ARID4B: variants seen among roughly 807,000 people sequenced by gnomAD.
ARID4B encodes the protein AT-rich interaction domain 4B, also known as AT-rich interactive domain-containing protein 4B.
Under a neutral mutation model 147.5 loss-of-function variants are expected in ARID4B, and 26 were observed. The ratio of observed to expected loss-of-function variants is 0.18; its 90% CI spans 0.13 to 0.24. The LOEUF is 0.24. Among genes scored for constraint, ARID4B ranks in the 10% least tolerant of loss-of-function variants. ARID4B has a pLI of 1.00. For synonymous variants in ARID4B, 512 were observed against 507.9 expected, an observed-to-expected ratio of 1.01 and a Z score of -0.11; for missense variants, 1,179 against 1,511.5, an observed-to-expected ratio of 0.78 and a Z score of 3.65.
intron 15 of ARID4B, 61 bp from the exon 16 acceptor site, chr1:235,220,029 G>T: frequency 8.6e-7 from 1 of 1,160,954 alleles, no homozygotes; most frequent in Non-Finnish European, 1.2e-6. Flanking sequence ...TATATCCATG[G>T]TTTATCTCTT....
chr1:235,219,081 C>T (rs531422480), intron 16 of ARID4B, among the ~76,000 whole-genome samples: 1 of 152,090 alleles, frequency 6.6e-6, no homozygotes, highest in African/African-American at 2.4e-5. Context: ...CCAGGCTGGT[C>T]TTGAAATCCC....
chr1:235,326,338 C>T (rs1675260353), intron 2 of ARID4B, among the ~76,000 whole-genome samples: 1 of 152,288 alleles, frequency 6.6e-6, no homozygotes, highest in South Asian at 2.1e-4. Flanking sequence ...AACAGAGCCT[C>T]TGACTTATTT....
chr1:235,271,087 C>A (rs548377716), intron 2 of ARID4B, among the ~76,000 whole-genome samples: 1 of 152,200 alleles, frequency 6.6e-6, no homozygotes, highest in South Asian at 2.1e-4. Flanking sequence ...CCCTACTGGG[C>A]CAGTCCTGTA....
rs1260278863 is a variant in ARID4B at position 235,200,229 on chromosome 1, G to A, written c.1842-4114C>T. ...CAGCACTTTGGGAGGCCGAGGCAGA[G>A]GTGGGCAGATCATGAGGTCAGGAGT... On this transcript the variant is annotated intron_variant, in intron 17 of 23. Coordinates refer to ENST00000264183, the MANE Select transcript of ARID4B (RefSeq NM_016374.6). Among the ~76,000 whole-genome samples, 4 of 151,880 alleles carry A rather than the reference G, an allele frequency of 2.6e-5. No homozygotes were observed. The East Asian group carries it at 5.8e-4, about 22-fold the overall frequency.
intron 2 of ARID4B, among the ~76,000 whole-genome samples, chr1:235,277,412 G>A (rs953477874): frequency 2.0e-5 from 3 of 151,808 alleles, no homozygotes; most frequent in African/African-American, 7.3e-5. Context: ...GGTGGCGCAC[G>A]CCTGTAATCC....
intron 2 of ARID4B, among the ~76,000 whole-genome samples, chr1:235,286,422 TG>T (rs1230192553): frequency 6.6e-6 from 1 of 152,208 alleles, no homozygotes; most frequent in Non-Finnish European, 1.5e-5. Context: ...TTTGTTTTCA[TG>T]GAGTGTAGTG....
intron 16 of ARID4B, among the ~76,000 whole-genome samples, chr1:235,215,277 G>C (rs1666983265): frequency 6.6e-6 from 1 of 151,790 alleles, no homozygotes. Flanking sequence ...CCAAACACTA[G>C]ATTTATTTTT....
chr1:235,257,302 T>C (rs542454178), intron 3 of ARID4B, 77 bp from the exon 4 acceptor site: 272 of 959,036 alleles, frequency 2.8e-4, no homozygotes, highest in Non-Finnish European at 2.3e-4. Context: ...ATTATTCATT[T>C]GTAGTAAAAG....
At chr1:235,246,627 G>C (rs190966488) in intron 6 of ARID4B, 116 bp from the exon 7 acceptor site, 1 of 674,046 alleles carries the variant, frequency 1.5e-6, no homozygotes, top group African/African-American at 1.8e-5. Flanking sequence ...TCTCCCCCCA[G>C]GGAAGCTAAA....
chr1:235,215,902 T>C (rs1036306890), intron 16 of ARID4B, among the ~76,000 whole-genome samples: 3 of 151,836 alleles, frequency 2.0e-5, no homozygotes, highest in African/African-American at 7.3e-5. Context: ...GAATATAATA[T>C]TTATATTAAA....
chr1:235,202,290 C>T (rs1440298596), intron 17 of ARID4B, among the ~76,000 whole-genome samples: 1 of 151,744 alleles, frequency 6.6e-6, no homozygotes, highest in East Asian at 1.9e-4. Context: ...TTAGCCTATA[C>T]TTTTTCAATT....
chr1:235,252,616 T>C, intron 6 of ARID4B, 114 bp downstream of exon 6: 1 of 741,662 alleles, frequency 1.3e-6, no homozygotes. Context: ...AAGGGTATTG[T>C]GTATTAATGA....
chr1:235,253,128 A>G lies in ARID4B; in HGVS notation c.275-319T>C, dbSNP rs548037842. ...GCTAATTAACTCTTCTCAAAATGGTAAAGAAATGACAAGTTTTCCTACTGA... is the reference window on the plus strand; with the variant it reads ...GCTAATTAACTCTTCTCAAAATGGTGAAGAAATGACAAGTTTTCCTACTGA... On this transcript the variant is annotated intron_variant, in intron 5 of 23. Transcript: ENST00000264183. Among the ~76,000 whole-genome samples the G allele has an allele frequency of 1.3e-3, 194 of 152,368 alleles. 1 individual carries two copies. Among genetic ancestry groups the G allele is most frequent in the African/African-American group, 4.6e-3 (190 of 41,600 alleles).
At position 235,305,019 on chromosome 1, in the gene ARID4B, A is replaced by C. The variant is rs34163134; in HGVS notation, c.6+21895T>G. On this transcript the variant is annotated intron_variant, in intron 2 of 23. Coordinates refer to ENST00000264183, the MANE Select transcript of ARID4B (RefSeq NM_016374.6). The stretch of plus-strand genomic sequence containing the variant: ...AAACATGTGAAAATGTTATCTATCA[A>C]GGGGAAATTTAAAGCTGACATGGAA... 9.6e-3 allele frequency among the ~76,000 whole-genome samples: 1,468 copies of C among 152,334 alleles called. 17 individuals carry two copies. The highest frequency in any genetic ancestry group is 0.069 in the South Asian group (331 of 4,824).
chr1:235,294,678 G>A (rs934407230), intron 2 of ARID4B, among the ~76,000 whole-genome samples: 1 of 150,586 alleles, frequency 6.6e-6, no homozygotes, highest in African/African-American at 2.4e-5. Context: ...ACACCCGGCT[G>A]ATTTTTTGTA....
At chr1:235,176,932 G>A (rs1432077026) in intron 21 of ARID4B, 4 of 471,000 alleles carry the variant, frequency 8.5e-6, no homozygotes, top group Admixed American at 7.0e-5. Flanking sequence ...CATATTTTCT[G>A]CTTCTTACTT....
rs767176715 is a variant in ARID4B, at chr1:235,236,828, T to TAAAAAAAAA, written c.586-2337_586-2336insTTTTTTTTT. ...GCGCCTGGCCCACAAAACGGTTTTA[T>TAAAAAAAAA]AAAAAATATATATATATATATATAT... is the stretch of plus-strand genomic sequence containing the variant. On this transcript the variant is annotated intron_variant, in intron 8 of 23. Transcript: ENST00000264183. Among the ~76,000 whole-genome samples the TAAAAAAAAA allele has an allele frequency of 2.6e-4, 12 of 46,322 alleles. No individual in the cohort carries two copies. The East Asian group carries it at 6.6e-3, about 25-fold the overall frequency. The allele number at this position is 46,322 out of a possible 152,430, so 30.4% of individuals were successfully genotyped here. A position where few individuals can be genotyped will look rare whatever the true frequency, so the allele number is the denominator to read the frequency against.
At chr1:235,325,831 A>G (rs188622167) in intron 2 of ARID4B, among the ~76,000 whole-genome samples, 81 of 152,370 alleles carry the variant, frequency 5.3e-4, no homozygotes, top group African/African-American at 1.6e-3. Flanking sequence ...TGTATAGTAG[A>G]CCAAGATTTA....
intron 2 of ARID4B, among the ~76,000 whole-genome samples, chr1:235,279,327 T>G (rs1276491154): frequency 1.3e-5 from 2 of 152,084 alleles, no homozygotes; most frequent in African/African-American, 4.8e-5. Context: ...CTGAACCACG[T>G]AGTATGAGGT....
Sources: allele counts gnomAD v4.1 joint callset (sites outside exome capture counted in the v4.1 genomes callset), GRCh38; gene constraint gnomAD v4.1.1; transcripts MANE v1.5; gene names NCBI Gene and HGNC (gene_info 2026-07-23, HGNC 2026-07-21).